SLC4A4: variants seen among roughly 807,000 people sequenced by gnomAD.
SLC4A4 encodes electrogenic sodium bicarbonate cotransporter 1.
Under a neutral mutation model 111.5 loss-of-function variants are expected in SLC4A4, and 27 were observed. That is an observed-to-expected ratio of 0.24 (90% CI 0.18 to 0.33). The LOEUF (loss-of-function observed/expected upper bound fraction) is 0.33. SLC4A4 is among the 10% of genes least tolerant of loss of function. The probability of loss-of-function intolerance (pLI) is 1.00; values close to 1 mark genes in which losing one functional copy is unlikely to be tolerated. For synonymous variants in SLC4A4, 443 were observed against 463.4 expected, an observed-to-expected ratio of 0.96 and a Z score of 0.57; for missense variants, 909 against 1,315.5, an observed-to-expected ratio of 0.69 and a Z score of 4.78.
chr4:71,086,242 GC>G (rs1357391556), intron 1 of SLC4A4, among the ~76,000 whole-genome samples: 2 of 151,604 alleles, frequency 1.3e-5, no homozygotes, highest in African/African-American at 2.4e-5. Context: ...TGTGATTTTT[GC>G]ATATTGATTT....
chr4:71,231,985 G>A (rs532885790), intron 1 of SLC4A4, among the ~76,000 whole-genome samples: 1 of 152,192 alleles, frequency 6.6e-6, no homozygotes, highest in Non-Finnish European at 1.5e-5. Flanking sequence ...ATGAAGAAAA[G>A]GTGCTGAATT....
At chr4:71,155,891 T>A (rs1744449042) in intron 2 of SLC4A4, among the ~76,000 whole-genome samples, 1 of 152,194 alleles carries the variant, frequency 6.6e-6, no homozygotes, top group African/African-American at 2.4e-5. Context: ...AAAAGTCCAT[T>A]TGATATGACA....
chr4:71,068,408 TCAC>T (rs974896818), intron 1 of SLC4A4, among the ~76,000 whole-genome samples: 55 of 151,942 alleles, frequency 3.6e-4, no homozygotes, highest in African/African-American at 1.3e-3. Context: ...TACATCCATC[TCAC>T]CACCACCCAG....
chr4:71,154,280 G>T (rs1206401839), intron 2 of SLC4A4, among the ~76,000 whole-genome samples: 1 of 152,064 alleles, frequency 6.6e-6, no homozygotes, highest in Non-Finnish European at 1.5e-5. Context: ...CTGGATAGAG[G>T]GGTGCTGGCT....
At chr4:71,154,188 A>C (rs1365547576) in intron 2 of SLC4A4, among the ~76,000 whole-genome samples, 1 of 152,152 alleles carries the variant, frequency 6.6e-6, no homozygotes, top group Non-Finnish European at 1.5e-5. Context: ...TACAGACTTG[A>C]TAACCTTTCT....
chr4:71,124,194 G>A (rs1366291672), intron 2 of SLC4A4, among the ~76,000 whole-genome samples: 1 of 124,544 alleles, frequency 8.0e-6, no homozygotes, highest in African/African-American at 3.0e-5. Flanking sequence ...TTTTTTTTGT[G>A]ACAGAGTCTT....
chr4:71,124,806 T>C (rs1743520072), intron 2 of SLC4A4, among the ~76,000 whole-genome samples: 3 of 152,210 alleles, frequency 2.0e-5, no homozygotes, highest in South Asian at 2.1e-4. Flanking sequence ...ACCCAGGAGA[T>C]GTGAAGGACA....
At chr4:71,228,311 C>T (rs568412976) in intron 1 of SLC4A4, among the ~76,000 whole-genome samples, 2 of 152,230 alleles carry the variant, frequency 1.3e-5, no homozygotes, top group East Asian at 1.9e-4. Context: ...AGAGTTTGAT[C>T]CTAATAGTTT....
chr4:71,102,942 G>C (rs559135325), intron 2 of SLC4A4, among the ~76,000 whole-genome samples: 94 of 150,094 alleles, frequency 6.3e-4, no homozygotes, highest in Non-Finnish European at 1.1e-3. Context: ...AATGTAAATG[G>C]ACTAAATGCT....
At position 71,339,182 on chromosome 4, in the gene SLC4A4, G is replaced by A. The variant is rs559183130; in HGVS notation, c.254-188G>A. 8 of 1,613,976 alleles carry A rather than the reference G, an allele frequency of 5.0e-6. No individual in the cohort carries two copies. In the South Asian group the frequency reaches 6.6e-5, roughly 13 times the overall value. On this transcript the variant is annotated intron_variant, in intron 3 of 25. Transcript: ENST00000264485. ...AACCAAGATACAGTTCAGAACCAAAGGAATAGAGAAGGGCTTTGATTTCTT... is the reference window on the plus strand; with the variant it reads ...AACCAAGATACAGTTCAGAACCAAAAGAATAGAGAAGGGCTTTGATTTCTT...
intron 1 of SLC4A4, among the ~76,000 whole-genome samples, chr4:71,066,152 T>C (rs1002791570): frequency 2.6e-5 from 4 of 152,222 alleles, no homozygotes; most frequent in African/African-American, 9.6e-5. Context: ...ATTTAATCTT[T>C]GCAACAGTCC....
intron 14 of SLC4A4, among the ~76,000 whole-genome samples, chr4:71,478,420 A>G (rs1728563661): frequency 6.6e-6 from 1 of 151,998 alleles, no homozygotes; most frequent in South Asian, 2.1e-4. Flanking sequence ...ATGGAATACT[A>G]TGCAGCCATA....
At chr4:71,384,322 CAGGG>C (rs1345440674) in intron 6 of SLC4A4, among the ~76,000 whole-genome samples, 2 of 152,170 alleles carry the variant, frequency 1.3e-5, no homozygotes, top group African/African-American at 2.4e-5. Context: ...ACAGTGTCTT[CAGGG>C]TCACTTGGGT....
At chr4:71,405,127 T>G (rs1349268791) in intron 7 of SLC4A4, among the ~76,000 whole-genome samples, 1 of 152,110 alleles carries the variant, frequency 6.6e-6, no homozygotes, top group Non-Finnish European at 1.5e-5. Context: ...ATGGAATCAT[T>G]CTTTACTTAC....
intron 3 of SLC4A4, among the ~76,000 whole-genome samples, chr4:71,326,705 G>C (rs1289666764): frequency 6.6e-6 from 1 of 152,002 alleles, no homozygotes; most frequent in African/African-American, 2.4e-5. Context: ...CATTCTCTAG[G>C]CAGCTGTTGG....
In SLC4A4 at chr4:71,156,609, CACACAT is replaced by C. The variant is rs1477936719; in HGVS notation, c.-2+63824_-2+63829del. ...GCGCGCACACACACACACACACACACACACATACACATTGTGATTCTGTAGGCAGCT... is the reference window on the plus strand; with the variant it reads ...GCGCGCACACACACACACACACACACACACATTGTGATTCTGTAGGCAGCT... On this transcript the variant is annotated intron_variant, in intron 2 of 26. Coordinates refer to the SLC4A4 transcript ENST00000649996. 1.5e-3 allele frequency among the ~76,000 whole-genome samples: 223 copies of C among 151,460 alleles called. 2 individuals are homozygous for C. The highest frequency in any genetic ancestry group is 5.1e-3 in the African/African-American group (211 of 41,158).
intron 14 of SLC4A4, chr4:71,473,195 A>G: frequency 1.5e-6 from 1 of 659,270 alleles, no homozygotes; most frequent in Non-Finnish European, 2.7e-6. Context: ...AACATAACCA[A>G]CTCAATATTT....
rs539697727 is a variant in SLC4A4 at position 71,306,706 on chromosome 4, T to A, written c.254-32664T>A. On this transcript the variant is annotated intron_variant, in intron 3 of 25. Coordinates refer to ENST00000264485, the MANE Select transcript of SLC4A4 (RefSeq NM_001098484.3). ...TTGCATAATGAAAGTTAGCAATTTT[T>A]ATTTTTCATTTTGATACATTTTATG... is the stretch of plus-strand genomic sequence containing the variant. Among the ~76,000 whole-genome samples the A allele has an allele frequency of 6.6e-5, 10 of 152,374 alleles. No individual in the cohort carries two copies. The South Asian group carries it at 1.9e-3, about 28-fold the overall frequency.
chr4:71,521,361 C>CT (rs1464758324), intron 16 of SLC4A4, among the ~76,000 whole-genome samples: 1 of 152,086 alleles, frequency 6.6e-6, no homozygotes, highest in Non-Finnish European at 1.5e-5. Context: ...TTCCGAGTAG[C>CT]TGGAACTACA....
Sources: allele counts gnomAD v4.1 joint callset (sites outside exome capture counted in the v4.1 genomes callset), GRCh38; gene constraint gnomAD v4.1.1; transcripts MANE v1.5; gene names NCBI Gene and HGNC (gene_info 2026-07-23, HGNC 2026-07-21).